Variants in PEX5L observed in about 807,000 individuals in gnomAD.
PEX5L encodes the protein peroxisomal biogenesis factor 5 like.
PEX5L carries 30 observed loss-of-function variants against 84.0 expected under a neutral mutation model. The ratio of observed to expected loss-of-function variants is 0.36; its 90% CI spans 0.27 to 0.48. The LOEUF (loss-of-function observed/expected upper bound fraction) is 0.48, where lower values mean the gene tolerates loss of function less well. Ranked by LOEUF, PEX5L falls within the 20% of genes least tolerant of loss-of-function variation. The probability of loss-of-function intolerance (pLI) is 0.99; values close to 1 mark genes in which losing one functional copy is unlikely to be tolerated. For synonymous variants in PEX5L, 270 were observed against 283.1 expected, an observed-to-expected ratio of 0.95 and a Z score of 0.46; for missense variants, 533 against 754.6, an observed-to-expected ratio of 0.71 and a Z score of 3.44.
At chr3:179,966,580 C>T (rs902571916) in intron 2 of PEX5L, among the ~76,000 whole-genome samples, 2 of 152,124 alleles carry the variant, frequency 1.3e-5, no homozygotes, top group Non-Finnish European at 2.9e-5. Flanking sequence ...ACCAGATAAG[C>T]TGGGTATCTT....
At chr3:179,806,668 ATCATCATAATAAATGCCTGC>A (rs1463610002) in intron 14 of PEX5L, among the ~76,000 whole-genome samples, 1 of 152,232 alleles carries the variant, frequency 6.6e-6, no homozygotes, top group African/African-American at 2.4e-5. Flanking sequence ...AAAAATAATA[ATCATCATAATAAATGCCTGC>A]TAGGCATTGA....
chr3:179,857,831 C>A (rs947706576), intron 8 of PEX5L, among the ~76,000 whole-genome samples: 1 of 152,152 alleles, frequency 6.6e-6, no homozygotes, highest in African/African-American at 2.4e-5. Context: ...AGGCTCCATG[C>A]ATTTGAACAA....
rs192225577 is a variant in PEX5L, at chr3:179,875,316, T to C, written c.629+38A>G. The C allele has an allele frequency of 2.9e-5, 47 of 1,608,112 alleles. No individual in the cohort carries two copies. The East Asian group carries it at 4.0e-4, about 14-fold the overall frequency. Reference sequence around the variant, plus strand: ...ATTTCAGTGCCACTCATAAAGTTGATACATAAATGGCCGTTTTCTGGTATT... The same window carrying C: ...ATTTCAGTGCCACTCATAAAGTTGACACATAAATGGCCGTTTTCTGGTATT... On this transcript the variant is annotated intron_variant, in intron 6 of 14. Transcript: ENST00000467460.
intron 4 of PEX5L, among the ~76,000 whole-genome samples, chr3:179,882,402 T>A (rs1481762847): frequency 1.3e-5 from 2 of 152,196 alleles, no homozygotes; most frequent in African/African-American, 4.8e-5. Flanking sequence ...ATTCCTGTAT[T>A]TGTTCTGAGC....
intron 2 of PEX5L, among the ~76,000 whole-genome samples, chr3:179,970,280 TCCAGTCCTTTGATCAGAATC>T (rs1784397995): frequency 6.6e-6 from 1 of 152,134 alleles, no homozygotes; most frequent in African/African-American, 2.4e-5. Flanking sequence ...GCCAGGTGGG[TCCAGTCCTTTGATCAGAATC>T]CCAGTCTATG....
intron 1 of PEX5L, chr3:179,973,804 T>A (rs1785365235): frequency 1.0e-6 from 1 of 985,206 alleles, no homozygotes; most frequent in African/African-American, 1.7e-5. Context: ...CCCCAACCAA[T>A]CTAAATAGAA....
intron 2 of PEX5L, among the ~76,000 whole-genome samples, chr3:179,920,130 C>A (rs1183752087): frequency 6.6e-6 from 1 of 152,208 alleles, no homozygotes; most frequent in East Asian, 1.9e-4. Flanking sequence ...CCTGCTCTCA[C>A]ATTTATTCTC....
chr3:179,967,428 C>G (rs1783618518), intron 2 of PEX5L, among the ~76,000 whole-genome samples: 1 of 152,102 alleles, frequency 6.6e-6, no homozygotes, highest in Admixed American at 6.6e-5. Context: ...TTATAGAGCA[C>G]TTTTACATAT....
At chr3:179,927,165 C>T (rs1057174469) in intron 2 of PEX5L, among the ~76,000 whole-genome samples, 4 of 152,120 alleles carry the variant, frequency 2.6e-5, no homozygotes, top group Non-Finnish European at 5.9e-5. Flanking sequence ...AAGACTGATG[C>T]CATCACTGTA....
At chr3:179,903,039 T>C (rs890438017) in intron 2 of PEX5L, among the ~76,000 whole-genome samples, 13 of 152,150 alleles carry the variant, frequency 8.5e-5, no homozygotes, top group Admixed American at 5.9e-4. Flanking sequence ...ACAACTCTAA[T>C]ATTTTCATGA....
chr3:179,984,394 G>A (rs1466053493), intron 1 of PEX5L, among the ~76,000 whole-genome samples: 2 of 152,038 alleles, frequency 1.3e-5, no homozygotes, highest in African/African-American at 2.4e-5. Flanking sequence ...TTGTGTATGT[G>A]TGTATACATG....
At position 179,888,090 on chromosome 3, in the gene PEX5L, T is replaced by C. The variant is rs979240878; in HGVS notation, c.199-306A>G. 37 of 1,176,048 alleles carry C rather than the reference T, an allele frequency of 3.1e-5. No individual in the cohort carries two copies. The African/African-American group carries it at 3.6e-4, about 11-fold the overall frequency. The allele number at this position is 1,176,048 out of a possible 1,614,324, so 72.9% of individuals were successfully genotyped here. On this transcript the variant is annotated intron_variant, in intron 3 of 14. Transcript: ENST00000467460. The stretch of plus-strand genomic sequence containing the variant: ...ATAGAAAATGACACGTATTGAATCA[T>C]AGTTGCTAAGGGCCAATCCCACTCC...
chr3:179,996,759 AG>A (rs1787924407), intron 1 of PEX5L, among the ~76,000 whole-genome samples: 2 of 152,330 alleles, frequency 1.3e-5, no homozygotes, highest in South Asian at 4.1e-4. Flanking sequence ...TTGGATTGCA[AG>A]GTGGCAGGAG....
chr3:179,960,481 C>T (rs902656222), intron 2 of PEX5L, among the ~76,000 whole-genome samples: 2 of 152,160 alleles, frequency 1.3e-5, no homozygotes, highest in African/African-American at 4.8e-5. Context: ...AACATTAGTT[C>T]TCACTATGTA....
intron 8 of PEX5L, among the ~76,000 whole-genome samples, chr3:179,857,738 C>T (rs1744541032): frequency 6.6e-6 from 1 of 152,094 alleles, no homozygotes; most frequent in African/African-American, 2.4e-5. Context: ...TTTCAGTGTG[C>T]TACACACAGT....
chr3:180,021,795 T>C (rs1281931977), intron 1 of PEX5L, among the ~76,000 whole-genome samples: 1 of 152,210 alleles, frequency 6.6e-6, no homozygotes, highest in Non-Finnish European at 1.5e-5. Flanking sequence ...GAGATGTAAC[T>C]GGTTTGTGGA....
chr3:179,987,741 A>C (rs1322571935), intron 1 of PEX5L, among the ~76,000 whole-genome samples: 1 of 152,176 alleles, frequency 6.6e-6, no homozygotes, highest in African/African-American at 2.4e-5. Flanking sequence ...GTGAACCTTC[A>C]CTGCCAACCA....
At chr3:179,983,386 C>CAA (rs763144897) in intron 1 of PEX5L, among the ~76,000 whole-genome samples, 2 of 151,922 alleles carry the variant, frequency 1.3e-5, no homozygotes, top group Non-Finnish European at 2.9e-5. Context: ...ACTTAAGAGA[C>CAA]AATAGCACAT....
intron 2 of PEX5L, among the ~76,000 whole-genome samples, chr3:179,939,464 G>C (rs1775467453): frequency 6.6e-6 from 1 of 152,174 alleles, no homozygotes; most frequent in African/African-American, 2.4e-5. Flanking sequence ...GATGTTCAGA[G>C]GGTTCAGAAG....
Sources: allele counts gnomAD v4.1 joint callset (sites outside exome capture counted in the v4.1 genomes callset), GRCh38; gene constraint gnomAD v4.1.1; transcripts MANE v1.5; gene names NCBI Gene and HGNC (gene_info 2026-07-23, HGNC 2026-07-21).